The following FHIT variants were observed in gnomAD, a reference collection of about 807,000 sequenced individuals.
FHIT encodes the protein bis(5'-adenosyl)-triphosphatase.
In FHIT, 19 loss-of-function variants were observed where a neutral mutation model predicts 17.9. The observed-to-expected ratio is 1.06, with a 90% CI of 0.74 to 1.56. FHIT has a LOEUF of 1.56. FHIT is among the 40% of genes most tolerant of loss of function. FHIT has a pLI of 0.00. For synonymous variants in FHIT, 81 were observed against 69.7 expected, an observed-to-expected ratio of 1.16 and a Z score of -0.81; for missense variants, 248 against 189.2, an observed-to-expected ratio of 1.31 and a Z score of -1.82.
At chr3:60,014,690 C>T (rs1427956389) in intron 5 of FHIT, among the ~76,000 whole-genome samples, 2 of 152,100 alleles carry the variant, frequency 1.3e-5, no homozygotes, top group African/African-American at 4.8e-5. Flanking sequence ...TGAAAATGTA[C>T]AGTGAACTTT....
chr3:60,628,483 T>A (rs536539174), intron 4 of FHIT, among the ~76,000 whole-genome samples: 4 of 152,376 alleles, frequency 2.6e-5, no homozygotes, highest in Admixed American at 2.6e-4. Context: ...TATGCTTCAC[T>A]AATTACTGGA....
intron 8 of FHIT, among the ~76,000 whole-genome samples, chr3:59,891,863 C>A (rs1455961132): frequency 6.6e-6 from 1 of 152,160 alleles, no homozygotes; most frequent in Non-Finnish European, 1.5e-5. Context: ...AATCCACATG[C>A]ACTCTGAGAT....
intron 8 of FHIT, among the ~76,000 whole-genome samples, chr3:59,773,073 T>G (rs1702146246): frequency 6.6e-6 from 1 of 152,226 alleles, no homozygotes. Flanking sequence ...TTTTTTTGTT[T>G]GAGAGTTTCC....
intron 7 of FHIT, among the ~76,000 whole-genome samples, chr3:59,985,627 C>T (rs1232257783): frequency 1.3e-5 from 2 of 152,126 alleles, no homozygotes; most frequent in East Asian, 3.9e-4. Context: ...ACAAGTCCAG[C>T]TCCGCTTAGC....
intron 8 of FHIT, among the ~76,000 whole-genome samples, chr3:59,840,577 G>T (rs140900496): frequency 1.3e-4 from 20 of 152,140 alleles, no homozygotes; most frequent in East Asian, 7.7e-4. Context: ...AAGCAAGCAC[G>T]CAGGAATGGA....
At chr3:60,553,290 AC>A (rs2036620151) in intron 4 of FHIT, 7 of 392,342 alleles carry the variant, frequency 1.8e-5, no homozygotes, top group African/African-American at 2.2e-5. Flanking sequence ...GTTTCATTAT[AC>A]ATTGTTTTGG....
intron 4 of FHIT, among the ~76,000 whole-genome samples, chr3:60,644,201 AAG>A (rs2039796900): frequency 6.6e-6 from 1 of 152,238 alleles, no homozygotes; most frequent in African/African-American, 2.4e-5. Context: ...AAGACTGAAA[AAG>A]AGAAAATTTA....
chr3:60,866,035 A>G (rs1475438620), intron 3 of FHIT, among the ~76,000 whole-genome samples: 7 of 152,120 alleles, frequency 4.6e-5, no homozygotes, highest in Admixed American at 4.6e-4. Flanking sequence ...GTCTGCTCAG[A>G]TGGAGGCCCT....
chr3:60,620,583 T>C (rs1451182331), intron 4 of FHIT, among the ~76,000 whole-genome samples: 1 of 148,008 alleles, frequency 6.8e-6, no homozygotes, highest in Non-Finnish European at 1.5e-5. Flanking sequence ...TGGGATACAT[T>C]GGAAAAAAAA....
At chr3:60,632,095 GTTTT>G (rs1487192334) in intron 4 of FHIT, among the ~76,000 whole-genome samples, 9 of 147,266 alleles carry the variant, frequency 6.1e-5, no homozygotes, top group African/African-American at 2.2e-4. Context: ...TTTTTTTTTT[GTTTT>G]TTGTTTTTTT....
At chr3:59,872,655 G>A (rs752465975) in intron 8 of FHIT, among the ~76,000 whole-genome samples, 4 of 152,180 alleles carry the variant, frequency 2.6e-5, no homozygotes, top group Non-Finnish European at 5.9e-5. Context: ...ACTCTGAAGA[G>A]TTATGGATGT....
chr3:60,371,383 G>A (rs1457233887), intron 5 of FHIT, among the ~76,000 whole-genome samples: 1 of 150,530 alleles, frequency 6.6e-6, no homozygotes, highest in African/African-American at 2.4e-5. Context: ...TTTAAGAGAT[G>A]GGGTCTGGGC....
At chr3:60,207,623 C>T (rs1387025861) in intron 5 of FHIT, among the ~76,000 whole-genome samples, 1 of 152,116 alleles carries the variant, frequency 6.6e-6, no homozygotes, top group Non-Finnish European at 1.5e-5. Context: ...GTGATGAGAA[C>T]AACGTATGTG....
intron 5 of FHIT, among the ~76,000 whole-genome samples, chr3:60,117,013 C>T (rs542393905): frequency 1.1e-4 from 17 of 152,238 alleles, no homozygotes; most frequent in African/African-American, 3.8e-4. Flanking sequence ...AATACATCTT[C>T]TAGGGAGATC....
At chr3:61,148,066 A>G (rs1277483272) in intron 2 of FHIT, among the ~76,000 whole-genome samples, 2 of 151,714 alleles carry the variant, frequency 1.3e-5, no homozygotes, top group Non-Finnish European at 1.5e-5. Flanking sequence ...AAAACAAAAA[A>G]CTATGCCCAG....
intron 3 of FHIT, among the ~76,000 whole-genome samples, chr3:60,880,738 AAACAACAAC>A (rs3046744): frequency 2.4e-4 from 36 of 151,760 alleles, no homozygotes; most frequent in African/African-American, 8.2e-4. Context: ...TCTCAAAAAC[AAACAACAAC>A]AACAACAACA....
chr3:61,220,177 T>C (rs983342225), intron 1 of FHIT, among the ~76,000 whole-genome samples: 1 of 152,238 alleles, frequency 6.6e-6, no homozygotes, highest in African/African-American at 2.4e-5. Context: ...CAGTGAGCTG[T>C]TACTGCAGAC....
At chr3:60,191,464 C>A (rs986600848) in intron 5 of FHIT, among the ~76,000 whole-genome samples, 2 of 152,144 alleles carry the variant, frequency 1.3e-5, no homozygotes, top group Admixed American at 6.5e-5. Context: ...CTGAAATGAA[C>A]ATACCATACG....
At chr3:60,233,760 T>C (rs1410631873) in intron 5 of FHIT, among the ~76,000 whole-genome samples, 1 of 152,128 alleles carries the variant, frequency 6.6e-6, no homozygotes, top group Non-Finnish European at 1.5e-5. Context: ...GGGGCAGGTC[T>C]TTCCCATGCT....
Sources: allele counts gnomAD v4.1 joint callset (sites outside exome capture counted in the v4.1 genomes callset), GRCh38; gene constraint gnomAD v4.1.1; transcripts MANE v1.5; gene names NCBI Gene and HGNC (gene_info 2026-07-23, HGNC 2026-07-21).